The following KIAA1671 variants were observed in gnomAD, a reference collection of about 807,000 sequenced individuals.
KIAA1671 encodes uncharacterized protein KIAA1671.
Under a neutral mutation model 131.2 loss-of-function variants are expected in KIAA1671, and 52 were observed. The ratio of observed to expected loss-of-function variants is 0.40; its 90% CI spans 0.32 to 0.50. The LOEUF (loss-of-function observed/expected upper bound fraction) is 0.50, where lower values mean the gene tolerates loss of function less well. KIAA1671 is among the 20% of genes least tolerant of loss of function. The pLI is 0.73. For missense variants in KIAA1671, 2,360 were observed against 2,364.2 expected, an observed-to-expected ratio of 1.00 and a Z score of 0.04; for synonymous variants, 1,003 against 961.6, an observed-to-expected ratio of 1.04 and a Z score of -0.80.
chr22:24,965,091 A>C (rs1263309934), intron 1 of KIAA1671, among the ~76,000 whole-genome samples: 1 of 134,562 alleles, frequency 7.4e-6, no homozygotes, highest in Non-Finnish European at 1.5e-5. Flanking sequence ...TCTGGCACAT[A>C]GTAGGCTCTT....
chr22:25,036,864 C>T (rs1011633814), intron 4 of KIAA1671, among the ~76,000 whole-genome samples: 8 of 151,956 alleles, frequency 5.3e-5, no homozygotes, highest in Admixed American at 2.6e-4. Context: ...GCAGAGATTG[C>T]GGTGAGCCGA....
chr22:25,188,762 A>T (rs992493370), intron 11 of KIAA1671, among the ~76,000 whole-genome samples: 5 of 152,226 alleles, frequency 3.3e-5, no homozygotes, highest in African/African-American at 1.2e-4. Flanking sequence ...GAAGTGGATC[A>T]TCATAAAGGT....
At chr22:25,093,838 G>GTCTCTCTCTCTCTC (rs56200570) in intron 6 of KIAA1671, among the ~76,000 whole-genome samples, 1 of 19,642 alleles carries the variant, frequency 5.1e-5, no homozygotes, top group African/African-American at 3.4e-4. Context: ...CTCTCTGTCT[G>GTCTCTCTCTCTCTC]TCTCTCTCTC....
At chr22:25,084,457 C>CAAAAAAAAAAAA (rs36090380) in intron 6 of KIAA1671, among the ~76,000 whole-genome samples, 3 of 128,462 alleles carry the variant, frequency 2.3e-5, no homozygotes, top group Non-Finnish European at 4.8e-5. Context: ...GACTCTATCT[C>CAAAAAAAAAAAA]AAAAAAAAAA....
intron 6 of KIAA1671, among the ~76,000 whole-genome samples, chr22:25,072,760 A>G (rs760810372): frequency 6.6e-6 from 1 of 152,068 alleles, no homozygotes; most frequent in Non-Finnish European, 1.5e-5. Flanking sequence ...AATTCCTTTG[A>G]ATTCTCTAGC....
intron 9 of KIAA1671, chr22:25,179,423 G>C: frequency 1.2e-6 from 2 of 1,613,134 alleles, no homozygotes; most frequent in Non-Finnish European, 1.7e-6. Flanking sequence ...TCTCCTTGCT[G>C]AGCTCCATTT....
chr22:25,182,371 C>A (rs78839718), intron 10 of KIAA1671, among the ~76,000 whole-genome samples: 5,166 of 148,246 alleles, frequency 0.035, 311 homozygotes, highest in African/African-American at 0.12. Flanking sequence ...TCTTTCCTCC[C>A]TCCCTTTCTC....
intron 6 of KIAA1671, among the ~76,000 whole-genome samples, chr22:25,149,155 A>C (rs1038131467): frequency 6.6e-6 from 1 of 152,138 alleles, no homozygotes; most frequent in Non-Finnish European, 1.5e-5. Flanking sequence ...TCCAGTGCTC[A>C]CCTCGACTCT....
rs1934421014 is a variant in KIAA1671 at position 25,184,966 on chromosome 22, T to C, written c.5200-11T>C. ...GGGCAGCTTATAGACTCAGCTCTCT[T>C]TTCTCCCCAGGCTCAGCTGCACAAG... On this transcript the variant is annotated splice_polypyrimidine_tract_variant and intron_variant, in intron 10 of 12. Coordinates refer to ENST00000358431, the MANE Select transcript of KIAA1671 (RefSeq NM_001145206.2). 2 of 1,551,030 alleles carry C rather than the reference T, an allele frequency of 1.3e-6. No individual in the cohort carries two copies. Among genetic ancestry groups the C allele is most frequent in the African/African-American group, 2.7e-5 (2 of 72,982 alleles).
chr22:25,065,821 A>G (rs934878888), intron 6 of KIAA1671, among the ~76,000 whole-genome samples: 2 of 151,920 alleles, frequency 1.3e-5, no homozygotes, highest in African/African-American at 2.4e-5. Flanking sequence ...TGTACTTTTT[A>G]GTAGAGACGG....
At chr22:25,093,268 G>A (rs1208552339) in intron 6 of KIAA1671, among the ~76,000 whole-genome samples, 2 of 152,158 alleles carry the variant, frequency 1.3e-5, no homozygotes, top group Non-Finnish European at 2.9e-5. Flanking sequence ...TGAGCAGGCA[G>A]CCTAGCTATG....
intron 1 of KIAA1671, among the ~76,000 whole-genome samples, chr22:24,978,527 G>A (rs1923033033): frequency 6.6e-6 from 1 of 152,256 alleles, no homozygotes; most frequent in South Asian, 2.1e-4. Flanking sequence ...CAGAAGCAAA[G>A]TAACTTCAAG....
intron 6 of KIAA1671, among the ~76,000 whole-genome samples, chr22:25,075,631 A>G (rs1335512526): frequency 6.6e-6 from 1 of 151,330 alleles, no homozygotes; most frequent in Non-Finnish European, 1.5e-5. Flanking sequence ...AGCTGGGACT[A>G]CAGGCACGTG....
At chr22:25,089,425 C>T (rs960359742) in intron 6 of KIAA1671, among the ~76,000 whole-genome samples, 1 of 151,904 alleles carries the variant, frequency 6.6e-6, no homozygotes, top group Non-Finnish European at 1.5e-5. Flanking sequence ...TAGGCACTCA[C>T]CTCCATGCCC....
chr22:25,074,613 A>G (rs568692007), intron 6 of KIAA1671, among the ~76,000 whole-genome samples: 142 of 127,148 alleles, frequency 1.1e-3, no homozygotes, highest in Admixed American at 1.7e-3. Flanking sequence ...ATATGGAAAC[A>G]TGTGTCCATG....
intron 5 of KIAA1671, among the ~76,000 whole-genome samples, chr22:25,043,647 G>T (rs1312352335): frequency 6.6e-6 from 1 of 152,194 alleles, no homozygotes. Context: ...GGAGGCACTG[G>T]AGAGGTGGCC....
chr22:25,056,398 A>G (rs1479959767), intron 6 of KIAA1671: 2 of 149,482 alleles, frequency 1.3e-5, no homozygotes, highest in Admixed American at 6.6e-5. Context: ...ATCCTAAGCC[A>G]GATGGCCTGG....
At chr22:25,000,202 T>C (rs1323376775) in intron 1 of KIAA1671, among the ~76,000 whole-genome samples, 1 of 80,104 alleles carries the variant, frequency 1.2e-5, no homozygotes, top group Non-Finnish European at 2.6e-5. Flanking sequence ...TTTTTTTTTT[T>C]TTTTTTTTTG....
chr22:25,000,525 ATGT>A (rs943722021), intron 1 of KIAA1671, among the ~76,000 whole-genome samples: 14 of 112,730 alleles, frequency 1.2e-4, no homozygotes, highest in Admixed American at 8.3e-4. Context: ...GTAGCTTTCG[ATGT>A]TGTTGTTGTT....
Sources: gnomAD v4.1 joint callset for allele counts (sites outside exome capture counted in the v4.1 genomes callset) on GRCh38, gnomAD v4.1.1 for gene constraint, MANE v1.5 for transcripts, NCBI Gene and HGNC (gene_info 2026-07-23, HGNC 2026-07-21) for gene names.